COL25A1: variants seen among roughly 807,000 people sequenced by gnomAD.
COL25A1 encodes collagen alpha-1(XXV) chain.
COL25A1 carries 103 observed loss-of-function variants against 128.4 expected under a neutral mutation model. The ratio of observed to expected loss-of-function variants is 0.80; its 90% CI spans 0.68 to 0.94. The LOEUF (loss-of-function observed/expected upper bound fraction) is 0.94, where lower values mean the gene tolerates loss of function less well. Among genes scored for constraint, COL25A1 ranks in the 40% least tolerant of loss-of-function variants. COL25A1 has a pLI of 0.00. For synonymous variants in COL25A1, 279 were observed against 277.2 expected (o/e 1.01, Z -0.06); for missense variants, 745 against 840.0 (o/e 0.89, Z 1.40).
chr4:109,075,887 C>T (rs1763333086), intron 3 of COL25A1, among the ~76,000 whole-genome samples: 1 of 152,098 alleles, frequency 6.6e-6, no homozygotes, highest in African/African-American at 2.4e-5. Context: ...TAAATACAGT[C>T]AACCCTCAGT....
chr4:108,955,217 A>G (rs1173471417), intron 8 of COL25A1, among the ~76,000 whole-genome samples: 1 of 150,840 alleles, frequency 6.6e-6, no homozygotes, highest in African/African-American at 2.5e-5. Context: ...CACATTAAAG[A>G]GAGTAAGAAG....
intron 3 of COL25A1, among the ~76,000 whole-genome samples, chr4:109,193,834 G>A (rs974805756): frequency 6.6e-6 from 1 of 152,084 alleles, no homozygotes; most frequent in African/African-American, 2.4e-5. Flanking sequence ...AGAACTTGTA[G>A]AACCAGCCCT....
Position 109,107,953 on chromosome 4 carries a change from T to C in COL25A1, c.368-57774A>G, listed in dbSNP as rs572722260. Among the ~76,000 whole-genome samples, 283 of 152,354 alleles carry C rather than the reference T, an allele frequency of 1.9e-3. 1 individual carries two copies. The highest frequency in any genetic ancestry group is 3.2e-3 in the Non-Finnish European group (218 of 68,038). ...TTCTAATTCCATGTGATCAACTCTTTCCATTCATTTTCTTTTCATCTAAAA... is the reference window on the plus strand; with the variant it reads ...TTCTAATTCCATGTGATCAACTCTTCCCATTCATTTTCTTTTCATCTAAAA... On this transcript the variant is annotated intron_variant, in intron 3 of 37. Transcript: ENST00000399132.
intron 5 of COL25A1, among the ~76,000 whole-genome samples, chr4:109,023,999 T>G (rs1400568713): frequency 6.6e-6 from 1 of 152,210 alleles, no homozygotes; most frequent in African/African-American, 2.4e-5. Flanking sequence ...CATTCTTCTG[T>G]GTACGTTATT....
intron 13 of COL25A1, among the ~76,000 whole-genome samples, chr4:108,905,168 C>T (rs1024108544): frequency 4.6e-5 from 7 of 152,034 alleles, no homozygotes; most frequent in Non-Finnish European, 8.8e-5. Context: ...TACGTTATAC[C>T]TGGAAAATGA....
intron 5 of COL25A1, among the ~76,000 whole-genome samples, chr4:109,036,128 T>C (rs1759327037): frequency 6.6e-6 from 1 of 151,894 alleles, no homozygotes; most frequent in African/African-American, 2.4e-5. Flanking sequence ...AGGGTTTCAC[T>C]GTGCTAGCCA....
At chr4:108,845,369 T>C (rs1734967221) in intron 28 of COL25A1, 118 bp from the exon 29 acceptor site, 1 of 759,764 alleles carries the variant, frequency 1.3e-6, no homozygotes, top group South Asian at 1.6e-5. Flanking sequence ...ATGCACTTGC[T>C]ACATAAAAGA....
intron 6 of COL25A1, among the ~76,000 whole-genome samples, chr4:108,987,350 G>C (rs910188947): frequency 1.3e-5 from 2 of 151,008 alleles, no homozygotes; most frequent in Non-Finnish European, 2.9e-5. Flanking sequence ...GCTTGGAATA[G>C]TTACAGCATA....
At chr4:109,047,826 G>A (rs904884452) in intron 5 of COL25A1, among the ~76,000 whole-genome samples, 5 of 148,072 alleles carry the variant, frequency 3.4e-5, no homozygotes, top group Admixed American at 6.9e-5. Context: ...TCCACCTCCC[G>A]GGTTCACGCC....
chr4:109,233,573 C>T (rs1779288388), intron 3 of COL25A1, among the ~76,000 whole-genome samples: 1 of 151,470 alleles, frequency 6.6e-6, no homozygotes, highest in Admixed American at 6.6e-5. Context: ...GATTCAAAAA[C>T]CCAGTTATAA....
intron 3 of COL25A1, among the ~76,000 whole-genome samples, chr4:109,073,146 T>G (rs144224762): frequency 8.4e-4 from 128 of 152,166 alleles, no homozygotes; most frequent in African/African-American, 2.3e-3. Context: ...TATGTGTGTG[T>G]GGGGGAGGGG....
At chr4:109,259,015 T>C (rs1038714041) in intron 3 of COL25A1, among the ~76,000 whole-genome samples, 1 of 152,210 alleles carries the variant, frequency 6.6e-6, no homozygotes, top group Non-Finnish European at 1.5e-5. Context: ...CACTATATTT[T>C]CATATTATGT....
chr4:109,068,233 C>T (rs998117766), intron 3 of COL25A1, among the ~76,000 whole-genome samples: 9 of 152,090 alleles, frequency 5.9e-5, no homozygotes, highest in African/African-American at 1.9e-4. Flanking sequence ...ATATTAAAGG[C>T]TCCCCAAACT....
chr4:108,835,463 T>G (rs1288738876), intron 31 of COL25A1, among the ~76,000 whole-genome samples: 1 of 152,236 alleles, frequency 6.6e-6, no homozygotes, highest in East Asian at 1.9e-4. Context: ...CTACCAATGA[T>G]GTTATTCTAC....
At position 109,083,448 on chromosome 4, in the gene COL25A1, A is replaced by ATTTTTTTTTT. The variant is rs60165291; in HGVS notation, c.368-33279_368-33270dup. Among the ~76,000 whole-genome samples the ATTTTTTTTTT allele has an allele frequency of 4.6e-3, 357 of 77,082 alleles. 15 individuals are homozygous for ATTTTTTTTTT. The highest frequency in any genetic ancestry group is 6.4e-3 in the Non-Finnish European group (258 of 40,620). The allele number at this position is 77,082 out of a possible 152,430, so 50.6% of individuals were successfully genotyped here. The stretch of plus-strand genomic sequence containing the variant: ...CACCAATAACTTTTACACTAAATAA[A>ATTTTTTTTTT]TTTTTTTTTTTTTTTTTTTTTTTTT... On this transcript the variant is annotated intron_variant, in intron 3 of 37. Transcript: ENST00000399132.
intron 3 of COL25A1, among the ~76,000 whole-genome samples, chr4:109,233,285 T>C (rs1313415223): frequency 2.0e-5 from 3 of 152,150 alleles, no homozygotes; most frequent in Admixed American, 6.6e-5. Flanking sequence ...CTTATTTTAT[T>C]TTGAGGCTGC....
intron 6 of COL25A1, among the ~76,000 whole-genome samples, chr4:108,999,368 G>C (rs1480870004): frequency 1.3e-5 from 2 of 152,078 alleles, no homozygotes; most frequent in African/African-American, 4.8e-5. Context: ...TGAAAAAATG[G>C]TCATCATCAC....
At chr4:109,283,261 C>T (rs951230896) in intron 3 of COL25A1, among the ~76,000 whole-genome samples, 1 of 152,014 alleles carries the variant, frequency 6.6e-6, no homozygotes, top group Non-Finnish European at 1.5e-5. Flanking sequence ...TTAGACCTCA[C>T]TAAAGAAAAA....
chr4:108,967,127 T>G lies in COL25A1; in HGVS notation c.492+7240A>C, dbSNP rs549213038. Among the ~76,000 whole-genome samples the G allele has an allele frequency of 4.6e-5, 7 of 152,306 alleles. No homozygotes were observed. In the South Asian group the frequency reaches 1.5e-3, roughly 32 times the overall value. ...TATTATTTTGGACAAAATATTTAAA[T>G]TTTCTAAGTCTTGGTTTCCTCATCC... is the stretch of plus-strand genomic sequence containing the variant. On this transcript the variant is annotated intron_variant, in intron 8 of 37. Transcript: ENST00000399132.
Sources: allele counts gnomAD v4.1 joint callset (sites outside exome capture counted in the v4.1 genomes callset), GRCh38; gene constraint gnomAD v4.1.1; transcripts MANE v1.5; gene names NCBI Gene and HGNC (gene_info 2026-07-23, HGNC 2026-07-21).